MACROD2: variants seen among roughly 807,000 people sequenced by gnomAD.
MACROD2 encodes mono-ADP ribosylhydrolase 2.
A neutral mutation model predicts 70.4 loss-of-function variants in MACROD2; 36 were observed. That is an observed-to-expected ratio of 0.51 (90% CI 0.39 to 0.68). MACROD2 has a LOEUF of 0.68. MACROD2 is among the 30% of genes least tolerant of loss of function. The pLI is 0.00. For missense variants in MACROD2, 496 were observed against 538.4 expected, an observed-to-expected ratio of 0.92 and a Z score of 0.78; for synonymous variants, 172 against 178.8, an observed-to-expected ratio of 0.96 and a Z score of 0.30.
At chr20:14,655,834 G>A (rs533788637) in intron 4 of MACROD2, among the ~76,000 whole-genome samples, 2 of 152,312 alleles carry the variant, frequency 1.3e-5, no homozygotes, top group South Asian at 4.2e-4. Context: ...TTTCAGGTAT[G>A]AGTTAATTGG....
intron 3 of MACROD2, among the ~76,000 whole-genome samples, chr20:14,415,977 T>A (rs2083799617): frequency 3.3e-5 from 5 of 151,594 alleles, no homozygotes; most frequent in South Asian, 2.1e-4. Context: ...TTTTTTTTTT[T>A]AAGACTGAGT....
At chr20:14,104,128 A>G (rs2054337714) in intron 3 of MACROD2, among the ~76,000 whole-genome samples, 1 of 152,208 alleles carries the variant, frequency 6.6e-6, no homozygotes, top group South Asian at 2.1e-4. Context: ...ATATTTCCCT[A>G]AACTTTACCA....
At chr20:14,821,031 AG>A (rs1379004808) in intron 5 of MACROD2, among the ~76,000 whole-genome samples, 5 of 152,108 alleles carry the variant, frequency 3.3e-5, no homozygotes, top group Non-Finnish European at 7.4e-5. Context: ...ATGCCAGTTC[AG>A]CTTACTACCT....
intron 4 of MACROD2, among the ~76,000 whole-genome samples, chr20:14,579,769 T>C (rs1411148222): frequency 6.6e-6 from 1 of 152,210 alleles, no homozygotes; most frequent in Non-Finnish European, 1.5e-5. Flanking sequence ...TGAATTAATA[T>C]AAAAGCTTGA....
chr20:14,730,531 A>G (rs774645432), intron 5 of MACROD2, among the ~76,000 whole-genome samples: 2 of 152,172 alleles, frequency 1.3e-5, no homozygotes, highest in Non-Finnish European at 2.9e-5. Flanking sequence ...TTATAAACCC[A>G]GTGAAACTGT....
chr20:15,667,175 T>C (rs997637381), intron 8 of MACROD2, among the ~76,000 whole-genome samples: 2 of 152,178 alleles, frequency 1.3e-5, no homozygotes, highest in African/African-American at 4.8e-5. Flanking sequence ...GGCCTGGTGC[T>C]GTTTTAATGA....
chr20:15,806,603 T>C (rs1284024174), intron 8 of MACROD2, among the ~76,000 whole-genome samples: 1 of 152,208 alleles, frequency 6.6e-6, no homozygotes, highest in Non-Finnish European at 1.5e-5. Flanking sequence ...TGTTTTTTTT[T>C]CAAAGAACAG....
At chr20:14,566,787 C>G (rs1322544245) in intron 4 of MACROD2, 1 of 151,964 alleles carries the variant, frequency 6.6e-6, no homozygotes, top group African/African-American at 2.4e-5. Context: ...CTCTAAAGGG[C>G]TATTTTCCAG....
chr20:15,489,519 C>G (rs1236607411), intron 7 of MACROD2, among the ~76,000 whole-genome samples: 1 of 152,138 alleles, frequency 6.6e-6, no homozygotes, highest in Non-Finnish European at 1.5e-5. Flanking sequence ...TCAAGAGATT[C>G]CTTGGGCCCC....
chr20:14,771,134 C>G (rs974355252), intron 5 of MACROD2, among the ~76,000 whole-genome samples: 1 of 152,044 alleles, frequency 6.6e-6, no homozygotes, highest in Non-Finnish European at 1.5e-5. Flanking sequence ...AGGGAGAATT[C>G]ACTCTTTCTG....
chr20:15,946,052 T>G (rs1366485633), intron 12 of MACROD2, among the ~76,000 whole-genome samples: 1 of 152,118 alleles, frequency 6.6e-6, no homozygotes, highest in Non-Finnish European at 1.5e-5. Context: ...ACCTAGGAAC[T>G]ACAATGAAAT....
chr20:14,859,230 A>C (rs2073288739), intron 5 of MACROD2, among the ~76,000 whole-genome samples: 1 of 152,132 alleles, frequency 6.6e-6, no homozygotes, highest in Non-Finnish European at 1.5e-5. Context: ...AACTATTGAA[A>C]TTAAATAAAT....
At chr20:15,393,517 T>C (rs941230297) in intron 6 of MACROD2, among the ~76,000 whole-genome samples, 1 of 152,174 alleles carries the variant, frequency 6.6e-6, no homozygotes, top group African/African-American at 2.4e-5. Context: ...TTCCACTCAA[T>C]TTTGCACCTC....
intron 5 of MACROD2, among the ~76,000 whole-genome samples, chr20:14,771,246 G>A (rs1340924240): frequency 6.6e-6 from 1 of 151,940 alleles, no homozygotes. Context: ...CTAGCTTCCT[G>A]GGTCTCTAGT....
Position 16,050,484 on chromosome 20 carries a change from T to A in MACROD2, c.*608T>A, listed in dbSNP as rs1035357707. ...GCTAATGAGAAATATGGAAGCTGAA[T>A]TTTTTCCAGAGCAGAGTGCAGAGGC... On this transcript the variant is annotated 3_prime_UTR_variant, in exon 18 of 18. Coordinates refer to ENST00000684519, the MANE Select transcript of MACROD2 (RefSeq NM_001351661.2). The A allele has an allele frequency of 2.0e-5, 3 of 152,308 alleles. No individual in the cohort carries two copies. Among genetic ancestry groups the A allele is most frequent in the East Asian group, 1.9e-4 (1 of 5,198 alleles). The allele number at this position is 152,308 out of a possible 1,614,324, so 9.4% of individuals were successfully genotyped here. A position where few individuals can be genotyped will look rare whatever the true frequency, so the allele number is the denominator to read the frequency against.
intron 10 of MACROD2, among the ~76,000 whole-genome samples, chr20:15,901,024 C>A (rs1241262227): frequency 3.9e-5 from 6 of 152,204 alleles, no homozygotes; most frequent in Non-Finnish European, 1.5e-5. Flanking sequence ...AAAGACTCCC[C>A]TACCTTGCTT....
At chr20:15,031,380 G>T (rs2075273059) in intron 5 of MACROD2, among the ~76,000 whole-genome samples, 1 of 152,206 alleles carries the variant, frequency 6.6e-6, no homozygotes, top group South Asian at 2.1e-4. Flanking sequence ...AACTCTTTCA[G>T]TCCTGCCATC....
At chr20:14,815,065 T>C (rs182814071) in intron 5 of MACROD2, among the ~76,000 whole-genome samples, 1 of 152,162 alleles carries the variant, frequency 6.6e-6, no homozygotes, top group Non-Finnish European at 1.5e-5. Context: ...GTCAACTCCA[T>C]TGCAGAACAC....
intron 8 of MACROD2, among the ~76,000 whole-genome samples, chr20:15,584,286 GA>G (rs1438400010): frequency 6.6e-6 from 1 of 152,148 alleles, no homozygotes; most frequent in African/African-American, 2.4e-5. Context: ...AAAAGTTGAA[GA>G]ACCTCTGGTT....
Sources: gnomAD v4.1 joint callset for allele counts (sites outside exome capture counted in the v4.1 genomes callset) on GRCh38, gnomAD v4.1.1 for gene constraint, MANE v1.5 for transcripts, NCBI Gene and HGNC (gene_info 2026-07-23, HGNC 2026-07-21) for gene names.